Variants in EXOC6B observed in about 807,000 individuals in gnomAD.
EXOC6B encodes the protein exocyst complex component 6B.
Under a neutral mutation model 113.5 loss-of-function variants are expected in EXOC6B, and 54 were observed. The observed-to-expected ratio is 0.48, with a 90% CI of 0.38 to 0.60. EXOC6B has a LOEUF of 0.60. Ranked by LOEUF, EXOC6B falls within the 20% of genes least tolerant of loss-of-function variation. The pLI is 0.00. For missense variants in EXOC6B, 797 were observed against 977.5 expected (o/e 0.82, Z 2.46); for synonymous variants, 357 against 339.0 (o/e 1.05, Z -0.58).
At chr2:72,263,462 C>G (rs1683861722) in intron 20 of EXOC6B, 1 of 152,100 alleles carries the variant, frequency 6.6e-6, no homozygotes, top group Non-Finnish European at 1.5e-5. Flanking sequence ...ACTGTGTAGA[C>G]TAGTAAGCAG....
intron 11 of EXOC6B, among the ~76,000 whole-genome samples, chr2:72,504,147 A>G (rs1215113771): frequency 1.3e-5 from 2 of 152,078 alleles, no homozygotes; most frequent in African/African-American, 4.8e-5. Context: ...GAATCAAGTG[A>G]TCTTCCTGCT....
intron 6 of EXOC6B, among the ~76,000 whole-genome samples, chr2:72,652,513 T>A (rs1380979527): frequency 6.6e-6 from 1 of 152,000 alleles, no homozygotes; most frequent in Non-Finnish European, 1.5e-5. Flanking sequence ...GTATATTGAT[T>A]ATTAACATCT....
intron 6 of EXOC6B, among the ~76,000 whole-genome samples, chr2:72,692,444 CG>C (rs1677559124): frequency 1.3e-5 from 2 of 151,462 alleles, no homozygotes; most frequent in African/African-American, 4.9e-5. Flanking sequence ...CTCTGCCTCC[CG>C]GGTTCATGCC....
intron 6 of EXOC6B, among the ~76,000 whole-genome samples, chr2:72,577,127 A>T (rs1021130381): frequency 6.6e-6 from 1 of 152,120 alleles, no homozygotes; most frequent in African/African-American, 2.4e-5. Flanking sequence ...ATCAATGGAC[A>T]TACTTGTTTC....
chr2:72,591,476 C>T (rs972093814), intron 6 of EXOC6B, among the ~76,000 whole-genome samples: 1 of 152,038 alleles, frequency 6.6e-6, no homozygotes, highest in African/African-American at 2.4e-5. Context: ...CAAAAGCAGC[C>T]TTTCTATAAG....
intron 18 of EXOC6B, among the ~76,000 whole-genome samples, chr2:72,429,217 C>T (rs1695380869): frequency 6.6e-6 from 1 of 152,190 alleles, no homozygotes; most frequent in African/African-American, 2.4e-5. Context: ...GTCAAATGAG[C>T]ACCAATTGTT....
chr2:72,489,536 G>T (rs948617081), intron 16 of EXOC6B, among the ~76,000 whole-genome samples: 7 of 152,148 alleles, frequency 4.6e-5, no homozygotes, highest in African/African-American at 1.7e-4. Context: ...ACCAGGCACA[G>T]TAAGTACTTT....
At chr2:72,321,027 C>T (rs538596406) in intron 20 of EXOC6B, among the ~76,000 whole-genome samples, 12 of 152,082 alleles carry the variant, frequency 7.9e-5, no homozygotes, top group Non-Finnish European at 1.5e-4. Flanking sequence ...AAAACCTCCG[C>T]GACATATGTC....
intron 19 of EXOC6B, among the ~76,000 whole-genome samples, chr2:72,340,549 T>A (rs2104903565): frequency 6.6e-6 from 1 of 152,306 alleles, no homozygotes; most frequent in South Asian, 2.1e-4. Flanking sequence ...CAGTATTGTT[T>A]CCAGTAAACT....
chr2:72,316,349 G>T (rs1687512362), intron 20 of EXOC6B, among the ~76,000 whole-genome samples: 1 of 152,140 alleles, frequency 6.6e-6, no homozygotes, highest in South Asian at 2.1e-4. Context: ...GCACTTCCTT[G>T]ATAGCCCTCC....
intron 20 of EXOC6B, among the ~76,000 whole-genome samples, chr2:72,330,016 G>C (rs560973312): frequency 6.6e-6 from 1 of 152,202 alleles, no homozygotes; most frequent in South Asian, 2.1e-4. Flanking sequence ...ATGGCTTGCT[G>C]TATGAGAGTC....
intron 16 of EXOC6B, among the ~76,000 whole-genome samples, chr2:72,487,136 T>A (rs1462629269): frequency 6.6e-6 from 1 of 152,220 alleles, no homozygotes; most frequent in Non-Finnish European, 1.5e-5. Context: ...TATGGTACAT[T>A]TGCCACAACT....
chr2:72,443,705 G>T (rs1007609916), intron 18 of EXOC6B, among the ~76,000 whole-genome samples: 1 of 152,180 alleles, frequency 6.6e-6, no homozygotes, highest in South Asian at 2.1e-4. Context: ...GAGAATATGT[G>T]CAGGGGAACT....
intron 20 of EXOC6B, among the ~76,000 whole-genome samples, chr2:72,218,654 A>C (rs1559027811): frequency 1.3e-5 from 2 of 151,746 alleles, no homozygotes. Context: ...TCTACTCTTA[A>C]TATGCCATTT....
At chr2:72,538,805 T>C (rs1323395044) in intron 8 of EXOC6B, among the ~76,000 whole-genome samples, 1 of 152,208 alleles carries the variant, frequency 6.6e-6, no homozygotes, top group African/African-American at 2.4e-5. Context: ...CAAACATATA[T>C]ATAAATAGAC....
intron 20 of EXOC6B, among the ~76,000 whole-genome samples, chr2:72,188,199 A>G (rs58339219): frequency 0.098 from 14,935 of 151,962 alleles, 1,207 homozygotes; most frequent in African/African-American, 0.23. Context: ...CTGCAGCCCC[A>G]GTCTTGCCTC....
rs142859308 is a variant in EXOC6B at position 72,378,941 on chromosome 2, T to G, written c.2122+788A>C. Among the ~76,000 whole-genome samples the G allele has an allele frequency of 1.8e-3, 268 of 152,328 alleles. 1 individual carries two copies. Among genetic ancestry groups the G allele is most frequent in the African/African-American group, 6.3e-3 (261 of 41,584 alleles). On this transcript the variant is annotated intron_variant, in intron 19 of 21. Transcript: ENST00000272427. ...GCTCCTATTTTACTTTGTCAGATAC[T>G]CAATCTCCCAGCCTCCCATAGAGCT...
intron 20 of EXOC6B, among the ~76,000 whole-genome samples, chr2:72,292,699 C>A (rs1685880372): frequency 6.6e-6 from 1 of 152,148 alleles, no homozygotes; most frequent in Non-Finnish European, 1.5e-5. Context: ...CTTCCTTCTG[C>A]AACCCTAACC....
At chr2:72,534,065 A>G (rs1371676032) in intron 8 of EXOC6B, among the ~76,000 whole-genome samples, 1 of 152,190 alleles carries the variant, frequency 6.6e-6, no homozygotes, top group Admixed American at 6.5e-5. Context: ...TCAGATTGGC[A>G]TAGTGAGACT....
Sources: allele counts gnomAD v4.1 joint callset (sites outside exome capture counted in the v4.1 genomes callset), GRCh38; gene constraint gnomAD v4.1.1; transcripts MANE v1.5; gene names NCBI Gene and HGNC (gene_info 2026-07-23, HGNC 2026-07-21).